Variants in PALM observed in about 807,000 individuals in gnomAD.
PALM encodes the protein paralemmin-1.
In PALM, 18 loss-of-function variants were observed where a neutral mutation model predicts 30.7. The ratio of observed to expected loss-of-function variants is 0.59; its 90% CI spans 0.41 to 0.87. PALM has a LOEUF of 0.87. Ranked by LOEUF, PALM falls within the 40% of genes least tolerant of loss-of-function variation. PALM has a pLI of 0.00. For missense variants in PALM, 529 were observed against 555.4 expected (o/e 0.95, Z 0.48); for synonymous variants, 286 against 242.8 (o/e 1.18, Z -1.66).
At chr19:718,368 G>A (rs1473882919) in intron 1 of PALM, among the ~76,000 whole-genome samples, 1 of 152,182 alleles carries the variant, frequency 6.6e-6, no homozygotes, top group African/African-American at 2.4e-5. Context: ...CCAGCACAAT[G>A]GCCCTGCAGT....
chr19:740,263 T>A, intron 7 of PALM, 89 bp from the exon 8 acceptor site: 1 of 1,348,924 alleles, frequency 7.4e-7, no homozygotes, highest in Non-Finnish European at 1.0e-6. Flanking sequence ...TCTGCGCTGC[T>A]GGCTCCCCCC....
intron 5 of PALM, 71 bp from the exon 6 acceptor site, chr19:734,102 T>C (rs1226805080): frequency 6.7e-7 from 1 of 1,488,316 alleles, no homozygotes; most frequent in Non-Finnish European, 9.4e-7. Context: ...CCCAGGCTCC[T>C]GACCCCATGG....
intron 1 of PALM, chr19:719,042 C>T (rs1411130467): frequency 3.3e-6 from 3 of 895,894 alleles, no homozygotes; most frequent in Non-Finnish European, 4.0e-6. Flanking sequence ...CCCCACCCCC[C>T]ACAATGGCCA....
intron 1 of PALM, among the ~76,000 whole-genome samples, chr19:714,363 T>C (rs1250196335): frequency 2.9e-5 from 4 of 138,248 alleles, no homozygotes; most frequent in African/African-American, 8.1e-5. Context: ...TCTTTCTTTT[T>C]TTTTTTTTTT....
intron 2 of PALM, among the ~76,000 whole-genome samples, 178 bp downstream of exon 2, chr19:726,367 G>A (rs1056857453): frequency 2.0e-5 from 3 of 152,210 alleles, no homozygotes; most frequent in Admixed American, 6.5e-5. Flanking sequence ...GACCCCCTGA[G>A]TCGGCAGCTC....
At chr19:714,105 C>T (rs539418860) in intron 1 of PALM, among the ~76,000 whole-genome samples, 1 of 151,748 alleles carries the variant, frequency 6.6e-6, no homozygotes, top group East Asian at 2.0e-4. Context: ...TGCGGTTTCA[C>T]TGTGTTAGCC....
rs151264112 is a variant in PALM, at chr19:746,628, G to C, written c.978G>C (p.Ala326=). The C allele has an allele frequency of 4.5e-5, 72 of 1,612,864 alleles. No individual in the cohort carries two copies. The highest frequency in any genetic ancestry group is 5.9e-5 in the Non-Finnish European group (70 of 1,179,860). ...TGGGCCTTCAAGATACCATCACGGC[G>C]GAGCTGGTGGTCATCGAAGACGCGG... ...KVLGLQDTIT[A]ELVVIEDAAE... is the part of the protein sequence containing the mutation. Residue 326 remains alanine, a synonymous_variant, in exon 9 of 9, where the codon GCG becomes GCC. Coordinates refer to ENST00000338448, the MANE Select transcript of PALM (RefSeq NM_002579.3). This position sits in a 1 kb window ranked among gnomAD's most constrained non-coding sequence, Gnocchi z 7.1.
chr19:710,762 C>A (rs1277691132), intron 1 of PALM, among the ~76,000 whole-genome samples: 1 of 152,088 alleles, frequency 6.6e-6, no homozygotes, highest in South Asian at 2.1e-4. Context: ...GCCCACAGGT[C>A]CCCCATTGGG....
At chr19:731,870 C>A (rs2032890042) in intron 5 of PALM, among the ~76,000 whole-genome samples, 1 of 151,868 alleles carries the variant, frequency 6.6e-6, no homozygotes, top group South Asian at 2.1e-4. Flanking sequence ...CCATGTTGGC[C>A]AGGCTGGTCC....
At chr19:739,810 T>C (rs2033133600) in intron 7 of PALM, among the ~76,000 whole-genome samples, 1 of 151,860 alleles carries the variant, frequency 6.6e-6, no homozygotes, top group South Asian at 2.1e-4. Context: ...ACCCCGTCTC[T>C]ACTAAAAATA....
chr19:731,336 G>GAC, intron 5 of PALM, 91 bp downstream of exon 5: 3 of 1,200,676 alleles, frequency 2.5e-6, no homozygotes, highest in Non-Finnish European at 3.5e-6. Flanking sequence ...CAGCGTAGCT[G>GAC]AGGGGACAGG....
At chr19:727,249 CGACCCT>C (rs1374990086) in intron 3 of PALM, among the ~76,000 whole-genome samples, 161 bp downstream of exon 3, 1 of 34,312 alleles carries the variant, frequency 2.9e-5, no homozygotes, top group Non-Finnish European at 6.3e-5. Flanking sequence ...ACCCCGACCC[CGACCCT>C]GACCCCAACC....
intron 1 of PALM, among the ~76,000 whole-genome samples, chr19:721,102 G>T (rs1353295445): frequency 2.0e-5 from 3 of 152,176 alleles, no homozygotes; most frequent in African/African-American, 4.8e-5. Context: ...GGGGAACCGT[G>T]TGTGAGAGGC....
chr19:734,294 T>A (rs775365339), intron 6 of PALM, 100 bp downstream of exon 6: 1 of 1,157,516 alleles, frequency 8.6e-7, no homozygotes, highest in South Asian at 1.3e-5. Flanking sequence ...GCTCGGTGCC[T>A]CACGCCTGTG....
intron 1 of PALM, among the ~76,000 whole-genome samples, chr19:722,352 C>T (rs1388183521): frequency 6.6e-6 from 1 of 152,188 alleles, no homozygotes; most frequent in Non-Finnish European, 1.5e-5. Flanking sequence ...GTAGCTGGGA[C>T]CACAGGGACA....
chr19:729,558 C>T (rs894625410), intron 4 of PALM, among the ~76,000 whole-genome samples: 16 of 149,640 alleles, frequency 1.1e-4, no homozygotes, highest in East Asian at 2.0e-4. Flanking sequence ...CTCCGCCTCC[C>T]GGGTTCACGC....
chr19:717,665 T>A (rs773327239), intron 1 of PALM, among the ~76,000 whole-genome samples: 12 of 151,380 alleles, frequency 7.9e-5, no homozygotes, highest in Non-Finnish European at 1.5e-4. Flanking sequence ...TAAGTGTAAG[T>A]CGTGACAGTG....
chr19:731,201 G>C lies in PALM; in HGVS notation c.376G>C (p.Ala126Pro). Reference sequence around the variant, plus strand: ...AGTCCGGGCCCCAGCCCCGAGTCCAGCCAAGGAGGAGCGCAAGACAGAGGT... The same window carrying C: ...AGTCCGGGCCCCAGCCCCGAGTCCACCCAAGGAGGAGCGCAAGACAGAGGT... ...SPVRAPAPSP[A>P]KEERKTEVVM... Residue 126 changes from alanine (A) to proline (P), a missense_variant, in exon 5 of 9, where the codon GCC becomes CCC. By Grantham distance (27) the Ala-to-Pro change is conservative. Coordinates refer to ENST00000338448, the MANE Select transcript of PALM (RefSeq NM_002579.3). The C allele has an allele frequency of 1.2e-6, 2 of 1,611,594 alleles. No homozygotes were observed. The highest frequency in any genetic ancestry group is 1.7e-6 in the Non-Finnish European group (2 of 1,179,394).
chr19:718,167 G>A (rs1182171050), intron 1 of PALM, among the ~76,000 whole-genome samples: 2 of 152,142 alleles, frequency 1.3e-5, no homozygotes, highest in African/African-American at 4.8e-5. Flanking sequence ...GGGCAACAGA[G>A]GGAGACTCCA....
Sources: allele counts gnomAD v4.1 joint callset (sites outside exome capture counted in the v4.1 genomes callset), GRCh38; gene constraint gnomAD v4.1.1; non-coding constraint Gnocchi (gnomAD v3.1); transcripts MANE v1.5; gene names NCBI Gene and HGNC (gene_info 2026-07-23, HGNC 2026-07-21).